MIEN1: variants seen among roughly 807,000 people sequenced by gnomAD.
The protein encoded by MIEN1 is migration and invasion enhancer 1, also known as HBV X-transactivated gene 4 protein.
A neutral mutation model predicts 15.5 loss-of-function variants in MIEN1; 12 were observed. The ratio of observed to expected loss-of-function variants is 0.78; its 90% CI spans 0.50 to 1.26. The LOEUF (loss-of-function observed/expected upper bound fraction) is 1.26. Ranked by LOEUF, MIEN1 falls within the 50% of genes most tolerant of loss-of-function variation. The pLI, the probability that MIEN1 is intolerant of heterozygous loss-of-function variation, is 0.00. For synonymous variants in MIEN1, 63 were observed against 62.8 expected (o/e 1.00, Z -0.02); for missense variants, 160 against 151.7 (o/e 1.05, Z -0.29).
At position 39,729,462 on chromosome 17, in the gene MIEN1, A is replaced by G; in HGVS notation, c.*60T>C. 1 of 1,609,180 alleles carries G rather than the reference A, an allele frequency of 6.2e-7. No individual in the cohort carries two copies. The highest frequency in any genetic ancestry group is 8.5e-7 in the Non-Finnish European group (1 of 1,177,690). ...AGAGGCAGGGGGAGCTCCCAGCAGGACCAAAGGGAGACCAAGGTTTGGACC... is the reference window on the plus strand; with the variant it reads ...AGAGGCAGGGGGAGCTCCCAGCAGGGCCAAAGGGAGACCAAGGTTTGGACC... On this transcript the variant is annotated 3_prime_UTR_variant, in exon 4 of 4. Transcript: ENST00000394231.
chr17:39,730,089 G>T, intron 2 of MIEN1, 105 bp downstream of exon 2: 1 of 1,082,326 alleles, frequency 9.2e-7, no homozygotes, highest in Non-Finnish European at 1.3e-6. Context: ...CCATGTGCCA[G>T]GCACTGCGGG....
Position 39,729,323 on chromosome 17 carries a change from C to T in MIEN1, c.*199G>A. On this transcript the variant is annotated 3_prime_UTR_variant, in exon 4 of 4. Coordinates refer to ENST00000394231, the MANE Select transcript of MIEN1 (RefSeq NM_032339.5). ...GGTATGAGGTGGCTGGAGAAGTGTT[C>T]ATGGAGAGTGTCTCTCTCCTGCCCC... 2 of 643,886 alleles carry T rather than the reference C, an allele frequency of 3.1e-6. No individual in the cohort carries two copies. Among genetic ancestry groups the T allele is most frequent in the Non-Finnish European group, 5.4e-6 (2 of 372,036 alleles). The allele number at this position is 643,886 out of a possible 1,614,324, so 39.9% of individuals were successfully genotyped here.
chr17:39,730,144 G>T, intron 2 of MIEN1, 50 bp downstream of exon 2: 1 of 1,513,798 alleles, frequency 6.6e-7, no homozygotes, highest in Non-Finnish European at 9.0e-7. Flanking sequence ...AAGCGGGAGA[G>T]CTGGGATTCA....
intron 2 of MIEN1, 100 bp downstream of exon 2, chr17:39,730,094 T>G (rs1597895918): frequency 2.6e-6 from 3 of 1,159,750 alleles, no homozygotes; most frequent in African/African-American, 1.5e-5. Flanking sequence ...TGCCAGGCAC[T>G]GCGGGCACTT....
In MIEN1 at chr17:39,730,306, G is replaced by C; in HGVS notation, c.90-15C>G. On this transcript the variant is annotated splice_polypyrimidine_tract_variant and intron_variant, in intron 1 of 3. Coordinates refer to ENST00000394231, the MANE Select transcript of MIEN1 (RefSeq NM_032339.5). The stretch of plus-strand genomic sequence containing the variant: ...CGCAGGGTTCACTGGGGAGTCAAGA[G>C]ATGGGGCTGGGCTGGGGATTCGGGG... 3 of 1,593,762 alleles carry C rather than the reference G, an allele frequency of 1.9e-6. No homozygotes were observed. The highest frequency in any genetic ancestry group is 2.3e-5 in the South Asian group (2 of 88,554).
intron 2 of MIEN1, 126 bp downstream of exon 2, chr17:39,730,068 C>T (rs1346838329): frequency 1.1e-6 from 1 of 949,094 alleles, no homozygotes; most frequent in Non-Finnish European, 1.6e-6. Flanking sequence ...TCATGTTGGC[C>T]GGACATTTTA....
chr17:39,730,528 G>T lies in MIEN1; in HGVS notation c.-33C>A. The stretch of plus-strand genomic sequence containing the variant: ...GGCTCCGCTCGGGCCCCTGCTTCCG[G>T]GTGTGACGCGAACCGCGGGCACGTG... On this transcript the variant is annotated 5_prime_UTR_variant, in exon 1 of 4. Coordinates refer to ENST00000394231, the MANE Select transcript of MIEN1 (RefSeq NM_032339.5). 1.3e-6 allele frequency: 2 copies of T among 1,510,532 alleles called. No individual in the cohort carries two copies. Among genetic ancestry groups the T allele is most frequent in the Non-Finnish European group, 1.8e-6 (2 of 1,137,868 alleles). 93.6% of individuals were successfully genotyped at this position (1,510,532 alleles called of 1,614,324 possible).
chr17:39,729,723 A>C lies in MIEN1; in HGVS notation c.226T>G (p.Ser76Ala). The C allele has an allele frequency of 6.2e-7, 1 of 1,614,174 alleles. No homozygotes were observed. Among genetic ancestry groups the C allele is most frequent in the Non-Finnish European group, 8.5e-7 (1 of 1,180,012 alleles). ...EIEINGQLVFSKLENGGFPYE... is the reference protein window; with the variant it reads ...EIEINGQLVFAKLENGGFPYE... ...GGAAAGCCCCCATTCTCCAGCTTGG[A>C]GAACACCAGCTGTCCATTTATCTCT... is the stretch of plus-strand genomic sequence containing the variant. Residue 76 changes from serine (S) to alanine (A), a missense_variant, in exon 3 of 4, where the codon TCC (serine) becomes GCC (alanine). Ser to Ala is a moderately conservative substitution (Grantham distance 99). Coordinates refer to ENST00000394231, the MANE Select transcript of MIEN1 (RefSeq NM_032339.5).
intron 2 of MIEN1, 197 bp from the exon 3 acceptor site, chr17:39,729,958 C>T: frequency 1.4e-6 from 1 of 728,456 alleles, no homozygotes; most frequent in Admixed American, 2.7e-5. Flanking sequence ...CCTCGCAACA[C>T]TCAATAAAGG....
rs2059924635 is a variant in MIEN1, at chr17:39,729,799, C to A, written c.188-38G>T. ...CAACAGATAAATGGTACACTGAGAACATAGGCAGAAGTCAGGAGTTCCTCC... is the reference window on the plus strand; with the variant it reads ...CAACAGATAAATGGTACACTGAGAAAATAGGCAGAAGTCAGGAGTTCCTCC... On this transcript the variant is annotated intron_variant, in intron 2 of 3. Coordinates refer to ENST00000394231, the MANE Select transcript of MIEN1 (RefSeq NM_032339.5). 3.7e-6 allele frequency: 6 copies of A among 1,613,500 alleles called. No homozygotes were observed. The East Asian group carries it at 1.3e-4, about 36-fold the overall frequency.
chr17:39,730,439 C>A lies in MIEN1; in HGVS notation c.57G>T (p.Pro19=). The change falls in exon 1 of 4, where the codon CCG becomes CCT. Residue 19 remains proline, a synonymous_variant. Coordinates refer to ENST00000394231, the MANE Select transcript of MIEN1 (RefSeq NM_032339.5). ...SVAPPPEEVE[P]GSGVRIVVEY... Reference sequence around the variant, plus strand: ...CCACCACGATGCGGACCCCACTGCCCGGCTCGACCTCCTCGGGAGGGGGCG... The same window carrying A: ...CCACCACGATGCGGACCCCACTGCCAGGCTCGACCTCCTCGGGAGGGGGCG... 6.4e-7 allele frequency: 1 copy of A among 1,551,606 alleles called. No homozygotes were observed. Among genetic ancestry groups the A allele is most frequent in the East Asian group, 2.4e-5 (1 of 41,180 alleles).
At position 39,728,929 on chromosome 17, in the gene MIEN1, T is replaced by C. The variant is rs1301542812; in HGVS notation, c.*593A>G. 1 of 176,860 alleles carries C rather than the reference T, an allele frequency of 5.7e-6. No homozygotes were observed. The highest frequency in any genetic ancestry group is 1.2e-5 in the Non-Finnish European group (1 of 82,458). The allele number at this position is 176,860 out of a possible 1,614,324, so 11.0% of individuals were successfully genotyped here. On this transcript the variant is annotated 3_prime_UTR_variant, in exon 4 of 4. Transcript: ENST00000394231. ...AATGGGGTTATTTCCTCCTTGTGAG[T>C]GAGGAGAGTGGTGGGTAGGGTGGGG...
chr17:39,729,982 C>T (rs1373270327), intron 2 of MIEN1: 10 of 696,480 alleles, frequency 1.4e-5, no homozygotes, highest in Non-Finnish European at 2.1e-5. Context: ...CCCTCCCCTC[C>T]AACCCTACAC....
Position 39,729,066 on chromosome 17 carries a change from C to G in MIEN1, c.*456G>C. ...CAGAAAGCCCACCCAGCCAGCACAG[C>G]CACCCTGGCGGTGCAAAGGCTGGGC... On this transcript the variant is annotated 3_prime_UTR_variant, in exon 4 of 4. Coordinates refer to ENST00000394231, the MANE Select transcript of MIEN1 (RefSeq NM_032339.5). 1 of 183,158 alleles carries G rather than the reference C, an allele frequency of 5.5e-6. No homozygotes were observed. The highest frequency in any genetic ancestry group is 1.1e-4 in the South Asian group (1 of 8,828). 11.3% of individuals were successfully genotyped at this position (183,158 alleles called of 1,614,324 possible). A position where few individuals can be genotyped will look rare whatever the true frequency, so the allele number is the denominator to read the frequency against.
Position 39,730,463 on chromosome 17 carries a change from C to A in MIEN1, c.33G>T (p.Ala11=). 1 of 1,544,078 alleles carries A rather than the reference C, an allele frequency of 6.5e-7. No homozygotes were observed. The highest frequency in any genetic ancestry group is 8.7e-7 in the Non-Finnish European group (1 of 1,146,820). The change falls in exon 1 of 4, where the codon GCG becomes GCT. Residue 11 remains alanine, a synonymous_variant. Transcript: ENST00000394231. MSGEPGQTSV[A]PPPEEVEPGS... is the part of the protein sequence containing the mutation. Reference sequence around the variant, plus strand: ...CCGGCTCGACCTCCTCGGGAGGGGGCGCTACGGACGTCTGCCCCGGCTCCC... The same window carrying A: ...CCGGCTCGACCTCCTCGGGAGGGGGAGCTACGGACGTCTGCCCCGGCTCCC...
At position 39,728,531 on chromosome 17, in the gene MIEN1, TTTTTG is replaced by T. The variant is rs1420282176; in HGVS notation, c.*986_*990del. ...GTGCTTTTCTGTTTAGTTTTTACTT[TTTTTG>T]TTTTGTTTTTTTAAAGATGAAATAA... is the stretch of plus-strand genomic sequence containing the variant. On this transcript the variant is annotated 3_prime_UTR_variant, in exon 4 of 4. Coordinates refer to ENST00000394231, the MANE Select transcript of MIEN1 (RefSeq NM_032339.5). The T allele has an allele frequency of 1.3e-5, 3 of 235,780 alleles. No homozygotes were observed. Among genetic ancestry groups the T allele is most frequent in the African/African-American group, 2.2e-5 (1 of 45,420 alleles). The allele number at this position is 235,780 out of a possible 1,614,324, so 14.6% of individuals were successfully genotyped here.
intron 3 of MIEN1, 29 bp downstream of exon 3, chr17:39,729,656 G>C: frequency 6.2e-7 from 1 of 1,614,146 alleles, no homozygotes; most frequent in South Asian, 1.1e-5. Flanking sequence ...GGGTGACCAA[G>C]AGGTCCTCCC....
At position 39,729,487 on chromosome 17, in the gene MIEN1, C is replaced by T; in HGVS notation, c.*35G>A. ...ACCAAAGGGAGACCAAGGTTTGGACCCCAGAACAGAGCAGGAACCCAGAGT... is the reference window on the plus strand; with the variant it reads ...ACCAAAGGGAGACCAAGGTTTGGACTCCAGAACAGAGCAGGAACCCAGAGT... On this transcript the variant is annotated 3_prime_UTR_variant, in exon 4 of 4. Transcript: ENST00000394231. 1 of 1,612,264 alleles carries T rather than the reference C, an allele frequency of 6.2e-7. No homozygotes were observed. The highest frequency in any genetic ancestry group is 1.1e-5 in the South Asian group (1 of 90,978).
rs938710622 is a variant in MIEN1, at chr17:39,730,219, C to T, written c.162G>A (p.Glu54=). The T allele has an allele frequency of 3.7e-6, 6 of 1,608,442 alleles. No homozygotes were observed. Among genetic ancestry groups the T allele is most frequent in the East Asian group, 2.2e-5 (1 of 44,844 alleles). Residue 54 remains glutamate (E), a synonymous_variant, in exon 2 of 4, where the codon GAG becomes GAA. Coordinates refer to ENST00000394231, the MANE Select transcript of MIEN1 (RefSeq NM_032339.5). ...SAVKEQYPGI[E]IESRLGGTGA... is the part of the protein sequence containing the mutation. ...CTGTGCCCCCGAGGCGCGACTCGAT[C>T]TCGATGCCCGGATACTGCTCCTTCA...
Sources: gnomAD v4.1 joint callset for allele counts on GRCh38, gnomAD v4.1.1 for gene constraint, MANE v1.5 for transcripts, NCBI Gene and HGNC (gene_info 2026-07-23, HGNC 2026-07-21) for gene names.